Variants in GCNT2 observed in about 807,000 individuals in gnomAD.
The protein encoded by GCNT2 is N-acetyllactosaminide beta-1,6-N-acetylglucosaminyl-transferase.
GCNT2 carries 34 observed loss-of-function variants against 34.2 expected under a neutral mutation model. The observed-to-expected ratio is 1.00, with a 90% confidence interval of 0.76 to 1.32. The LOEUF is 1.32. Ranked by LOEUF, GCNT2 falls within the 40% of genes most tolerant of loss-of-function variation. The pLI, the probability that GCNT2 is intolerant of heterozygous loss-of-function variation, is 0.00. For synonymous variants in GCNT2, 212 were observed against 188.0 expected, an observed-to-expected ratio of 1.13 and a Z score of -1.04; for missense variants, 584 against 489.4, an observed-to-expected ratio of 1.19 and a Z score of -1.82.
intron 3 of GCNT2, among the ~76,000 whole-genome samples, chr6:10,609,260 A>T (rs1451073643): frequency 6.6e-6 from 1 of 152,208 alleles, no homozygotes; most frequent in African/African-American, 2.4e-5. Flanking sequence ...CAGCAGTGGC[A>T]TCTGGTGAAG....
At chr6:10,531,435 T>C (rs2113524013) in intron 3 of GCNT2, among the ~76,000 whole-genome samples, 1 of 152,354 alleles carries the variant, frequency 6.6e-6, no homozygotes, top group African/African-American at 2.4e-5. Context: ...ATTACGATCA[T>C]CTGGGGCTTC....
intron 3 of GCNT2, among the ~76,000 whole-genome samples, chr6:10,599,618 C>T (rs552745192): frequency 2.6e-5 from 4 of 152,166 alleles, no homozygotes; most frequent in Non-Finnish European, 4.4e-5. Context: ...AGAATGAAGA[C>T]GGTAGCTTCC....
At chr6:10,557,183 C>CA (rs1762757314) in intron 3 of GCNT2, 3 of 1,553,792 alleles carry the variant, frequency 1.9e-6, no homozygotes, top group Non-Finnish European at 1.7e-6. Flanking sequence ...GCCTCCCCCC[C>CA]ATAATCTCAC....
rs571511936 is a variant in GCNT2, at chr6:10,587,259, T to C, written c.926-34092T>C. 3.9e-5 allele frequency among the ~76,000 whole-genome samples: 6 copies of C among 152,362 alleles called. No homozygotes were observed. The East Asian group carries it at 9.6e-4, about 24-fold the overall frequency. ...AATAAGCATTCTAGAATTTAGGAGTTGAAATAGGTGATGTTTCTTTCGGAC... is the reference window on the plus strand; with the variant it reads ...AATAAGCATTCTAGAATTTAGGAGTCGAAATAGGTGATGTTTCTTTCGGAC... On this transcript the variant is annotated intron_variant, in intron 3 of 4. Coordinates refer to ENST00000495262, the MANE Select transcript of GCNT2 (RefSeq NM_145649.5).
At chr6:10,543,424 C>G (rs1482981417) in intron 3 of GCNT2, among the ~76,000 whole-genome samples, 1 of 152,116 alleles carries the variant, frequency 6.6e-6, no homozygotes, top group East Asian at 1.9e-4. Flanking sequence ...CTCCTTACCT[C>G]AAATGATCCA....
intron 3 of GCNT2, among the ~76,000 whole-genome samples, chr6:10,584,082 G>A (rs1764233641): frequency 1.3e-5 from 2 of 152,114 alleles, no homozygotes; most frequent in East Asian, 3.9e-4. Flanking sequence ...GACCAACACC[G>A]GTGCTCACTT....
chr6:10,536,190 T>C (rs1761742121), intron 3 of GCNT2, among the ~76,000 whole-genome samples: 1 of 152,092 alleles, frequency 6.6e-6, no homozygotes, highest in Admixed American at 6.6e-5. Flanking sequence ...TCTTACTGTG[T>C]GCAGAGGGAA....
At chr6:10,620,563 G>T (rs777135643) in intron 3 of GCNT2, among the ~76,000 whole-genome samples, 1 of 151,744 alleles carries the variant, frequency 6.6e-6, no homozygotes, top group Non-Finnish European at 1.5e-5. Context: ...ACGTGCCACC[G>T]CACTCAGCTA....
chr6:10,620,250 C>A (rs528916806), intron 3 of GCNT2, among the ~76,000 whole-genome samples: 10 of 152,236 alleles, frequency 6.6e-5, no homozygotes, highest in African/African-American at 2.4e-4. Context: ...TAAGAGAGGA[C>A]TATTGAAATT....
intron 3 of GCNT2, among the ~76,000 whole-genome samples, chr6:10,571,201 G>A (rs951611307): frequency 6.6e-6 from 1 of 152,082 alleles, no homozygotes; most frequent in African/African-American, 2.4e-5. Context: ...CTTAGAATGA[G>A]CATTCCATCC....
At chr6:10,614,779 G>A (rs1412989963) in intron 3 of GCNT2, among the ~76,000 whole-genome samples, 1 of 152,006 alleles carries the variant, frequency 6.6e-6, no homozygotes, top group East Asian at 1.9e-4. Context: ...AACCTAAACG[G>A]TCCTCCCCAT....
chr6:10,617,409 C>G (rs1270367135), intron 3 of GCNT2, among the ~76,000 whole-genome samples: 1 of 152,228 alleles, frequency 6.6e-6, no homozygotes, highest in Non-Finnish European at 1.5e-5. Flanking sequence ...CTCCACACCT[C>G]CCAGCAAGCT....
At chr6:10,593,880 G>A (rs1764745536) in intron 3 of GCNT2, among the ~76,000 whole-genome samples, 1 of 152,110 alleles carries the variant, frequency 6.6e-6, no homozygotes, top group South Asian at 2.1e-4. Context: ...ATGCTATCAG[G>A]TAAACGACTT....
rs202027643 is a variant in GCNT2 at position 10,586,197 on chromosome 6, C to A, written c.926-35154C>A. The A allele has an allele frequency of 2.5e-6, 4 of 1,613,974 alleles. No individual in the cohort carries two copies. The African/African-American group carries it at 5.3e-5, about 22-fold the overall frequency. ...GGAAAATATATTACCATCACCTTTG[C>A]GAAGTGTCCCTTGCAAGGATTACCT... On this transcript the variant is annotated intron_variant, in intron 3 of 4. Coordinates refer to ENST00000495262, the MANE Select transcript of GCNT2 (RefSeq NM_145649.5).
rs968250029 is a variant in GCNT2, at chr6:10,581,929, A to G, written c.926-39422A>G. The G allele has an allele frequency of 3.2e-6, 3 of 929,524 alleles. No homozygotes were observed. The African/African-American group carries it at 5.4e-5, about 17-fold the overall frequency. 57.6% of individuals were successfully genotyped at this position (929,524 alleles called of 1,614,324 possible). Reference sequence around the variant, plus strand: ...GTTCCCTTCATACAGTCACATTTCTAGAGTGTGTGTGAATATACATAATAA... The same window carrying G: ...GTTCCCTTCATACAGTCACATTTCTGGAGTGTGTGTGAATATACATAATAA... On this transcript the variant is annotated intron_variant, in intron 3 of 4. Transcript: ENST00000495262.
chr6:10,558,674 C>T lies in GCNT2; in HGVS notation c.925+28838C>T, dbSNP rs567105104. Among the ~76,000 whole-genome samples, 5 of 152,328 alleles carry T rather than the reference C, an allele frequency of 3.3e-5. No individual in the cohort carries two copies. In the East Asian group the frequency reaches 9.6e-4, roughly 29 times the overall value. ...ATTGTTCTGGCTGTTGGGGGATTGC[C>T]AAGTTCGAAAGGCTGGTAGGTGCTC... is the stretch of plus-strand genomic sequence containing the variant. On this transcript the variant is annotated intron_variant, in intron 3 of 4. Transcript: ENST00000495262.
intron 3 of GCNT2, among the ~76,000 whole-genome samples, chr6:10,565,458 A>G (rs916593003): frequency 1.3e-5 from 2 of 152,198 alleles, no homozygotes; most frequent in African/African-American, 2.4e-5. Context: ...CTCCTGAGCC[A>G]ATAATTCACG....
Position 10,529,315 on chromosome 6 carries a change from C to G in GCNT2, c.404C>G (p.Ala135Gly). The G allele has an allele frequency of 6.2e-7, 1 of 1,614,040 alleles. No homozygotes were observed. Among genetic ancestry groups the G allele is most frequent in the Admixed American group, 1.7e-5 (1 of 60,002 alleles). Residue 135 changes from alanine to glycine, a missense_variant, in exon 3 of 5, where the codon GCC becomes GGC. Physicochemically the swap from Ala to Gly is moderately conservative, Grantham distance 60. Coordinates refer to ENST00000495262, the MANE Select transcript of GCNT2 (RefSeq NM_145649.5). ...CACCTGGATCAGAAGGCGACGGATG[C>G]CTTTAAAGGTGCAGTGAAACAGTTA... Reference protein sequence around the residue: ...CVHLDQKATDAFKGAVKQLLS... With the variant: ...CVHLDQKATDGFKGAVKQLLS...
chr6:10,549,563 C>CTTTTT (rs33909973), intron 3 of GCNT2, among the ~76,000 whole-genome samples: 6 of 104,296 alleles, frequency 5.8e-5, no homozygotes, highest in African/African-American at 2.1e-4. Flanking sequence ...ATCTCTCTCT[C>CTTTTT]TTTTTTTTTT....
Sources: gnomAD v4.1 joint callset for allele counts (sites outside exome capture counted in the v4.1 genomes callset) on GRCh38, gnomAD v4.1.1 for gene constraint, MANE v1.5 for transcripts, NCBI Gene and HGNC (gene_info 2026-07-23, HGNC 2026-07-21) for gene names.